The following ANKRD6 variants were observed in gnomAD, a reference collection of about 807,000 sequenced individuals.
The protein encoded by ANKRD6 is ankyrin repeat domain-containing protein 6.
Under a neutral mutation model 82.3 loss-of-function variants are expected in ANKRD6, and 56 were observed. That is an observed-to-expected ratio of 0.68 (90% CI 0.55 to 0.85). The LOEUF is 0.85. Ranked by LOEUF, ANKRD6 falls within the 40% of genes least tolerant of loss-of-function variation. The pLI is 0.00. For missense variants in ANKRD6, 852 were observed against 907.6 expected (o/e 0.94, Z 0.79); for synonymous variants, 347 against 352.1 (o/e 0.99, Z 0.16).
At chr6:89,448,788 T>A (rs188632293) in intron 1 of ANKRD6, among the ~76,000 whole-genome samples, 169 of 152,284 alleles carry the variant, frequency 1.1e-3, no homozygotes, top group African/African-American at 3.8e-3. Context: ...CCTAGCACTT[T>A]GGGAGGCCGA....
chr6:89,541,381 G>A (rs917086097), intron 1 of ANKRD6, among the ~76,000 whole-genome samples: 3 of 126,982 alleles, frequency 2.4e-5, no homozygotes, highest in East Asian at 2.1e-4. Flanking sequence ...TTAATTTTAC[G>A]TGTGGCTTTT....
chr6:89,443,216 C>A (rs191553034), intron 1 of ANKRD6, among the ~76,000 whole-genome samples: 50 of 152,304 alleles, frequency 3.3e-4, no homozygotes, highest in African/African-American at 9.9e-4. Context: ...TGAAGCACAT[C>A]TGCTTCCCCC....
chr6:89,528,893 C>T (rs1157939831), intron 1 of ANKRD6, among the ~76,000 whole-genome samples: 3 of 152,210 alleles, frequency 2.0e-5, no homozygotes, highest in Admixed American at 6.5e-5. Flanking sequence ...ATCTTGTTAT[C>T]TGAGCAGTAG....
chr6:89,575,014 G>A (rs774966658), intron 2 of ANKRD6, among the ~76,000 whole-genome samples: 39 of 152,180 alleles, frequency 2.6e-4, no homozygotes, highest in Non-Finnish European at 5.3e-4. Context: ...GTAGAAATAT[G>A]ATTGGACAGA....
intron 1 of ANKRD6, among the ~76,000 whole-genome samples, chr6:89,462,714 A>G (rs1774333139): frequency 6.6e-6 from 1 of 152,232 alleles, no homozygotes; most frequent in African/African-American, 2.4e-5. Context: ...GACAATAAAA[A>G]GATTATCTTT....
At chr6:89,466,426 T>G (rs1417612120) in intron 1 of ANKRD6, among the ~76,000 whole-genome samples, 2 of 152,250 alleles carry the variant, frequency 1.3e-5, no homozygotes, top group Non-Finnish European at 2.9e-5. Context: ...CTAGAAATTT[T>G]GCCAGCAATA....
At position 89,591,891 on chromosome 6, in the gene ANKRD6, C is replaced by G. The variant is rs370753507; in HGVS notation, c.121-4025C>G. ...CAAGAATGTGCAGGGAACACAGCCC[C>G]TCCTCAGAAAAGCTCCTGTACCATT... On this transcript the variant is annotated intron_variant, in intron 2 of 15. Coordinates refer to ENST00000339746, the MANE Select transcript of ANKRD6 (RefSeq NM_001242809.2). Among the ~76,000 whole-genome samples, 2 of 152,300 alleles carry G rather than the reference C, an allele frequency of 1.3e-5. 1 individual carries two copies. Among genetic ancestry groups the G allele is most frequent in the Middle Eastern group, 6.8e-3 (2 of 294 alleles).
At chr6:89,593,959 C>G (rs1448250312) in intron 2 of ANKRD6, among the ~76,000 whole-genome samples, 3 of 152,164 alleles carry the variant, frequency 2.0e-5, no homozygotes, top group Non-Finnish European at 4.4e-5. Flanking sequence ...TCTCTATGAC[C>G]CAGCAACAGG....
At chr6:89,584,729 A>G (rs1187289126) in intron 2 of ANKRD6, among the ~76,000 whole-genome samples, 1 of 152,256 alleles carries the variant, frequency 6.6e-6, no homozygotes, top group Non-Finnish European at 1.5e-5. Context: ...TACCATATCA[A>G]CAAGTGCCTT....
chr6:89,444,981 C>A lies in ANKRD6; in HGVS notation c.-144+11606C>A, dbSNP rs527631435. 1.6e-4 allele frequency among the ~76,000 whole-genome samples: 25 copies of A among 152,036 alleles called. No homozygotes were observed. In the South Asian group the frequency reaches 4.8e-3, roughly 29 times the overall value. ...GAAACTCCATGTCAAAAAAAAAAAT[C>A]TATGTAAGACTATCAAAGGATTCCT... On this transcript the variant is annotated intron_variant, in intron 1 of 15. Coordinates refer to ENST00000339746, the MANE Select transcript of ANKRD6 (RefSeq NM_001242809.2).
intron 4 of ANKRD6, among the ~76,000 whole-genome samples, chr6:89,604,246 T>G (rs1797968346): frequency 6.6e-6 from 1 of 152,096 alleles, no homozygotes; most frequent in Non-Finnish European, 1.5e-5. Flanking sequence ...GAGAATCGCT[T>G]GAACCCGGGA....
At chr6:89,570,971 G>C (rs899486597) in intron 2 of ANKRD6, among the ~76,000 whole-genome samples, 56 of 152,256 alleles carry the variant, frequency 3.7e-4, no homozygotes, top group African/African-American at 1.3e-3. Context: ...TTCCATGGCT[G>C]TTGCACCATT....
intron 4 of ANKRD6, 27 bp from the exon 5 acceptor site, chr6:89,605,980 C>G: frequency 6.6e-7 from 1 of 1,517,984 alleles, no homozygotes; most frequent in Non-Finnish European, 9.0e-7. Context: ...GGGTAATGTG[C>G]CTTTCCCACC....
At chr6:89,530,472 G>A (rs970382623) in intron 1 of ANKRD6, among the ~76,000 whole-genome samples, 6 of 152,124 alleles carry the variant, frequency 3.9e-5, no homozygotes, top group African/African-American at 1.4e-4. Flanking sequence ...TTAGGGAAGG[G>A]GGAGTAGTTC....
At chr6:89,594,270 T>G (rs902445266) in intron 2 of ANKRD6, among the ~76,000 whole-genome samples, 6 of 152,044 alleles carry the variant, frequency 3.9e-5, no homozygotes, top group African/African-American at 1.5e-4. Flanking sequence ...CTAAGCAACA[T>G]GGTGAAACCC....
In ANKRD6 at chr6:89,622,050, C is replaced by T. The variant is rs200175400; in HGVS notation, c.897+24C>T. On this transcript the variant is annotated intron_variant, in intron 10 of 15. Coordinates refer to ENST00000339746, the MANE Select transcript of ANKRD6 (RefSeq NM_001242809.2). ...AGGTGGGGGGCAGTCCTCCCGCCGT[C>T]CCCACATCCACCCATGCTCAGAGGG... The T allele has an allele frequency of 9.4e-6, 15 of 1,601,870 alleles. No homozygotes were observed. The African/African-American group carries it at 2.0e-4, about 21-fold the overall frequency.
chr6:89,471,577 G>T (rs980390599), intron 1 of ANKRD6, among the ~76,000 whole-genome samples: 3 of 151,224 alleles, frequency 2.0e-5, no homozygotes, highest in African/African-American at 7.3e-5. Context: ...AGAGTGGCCG[G>T]AAAGTTAGGA....
intron 1 of ANKRD6, among the ~76,000 whole-genome samples, chr6:89,566,258 C>G (rs1788495288): frequency 6.6e-6 from 1 of 152,240 alleles, no homozygotes; most frequent in African/African-American, 2.4e-5. Flanking sequence ...GTGCCCAGCT[C>G]TCCATCTGTT....
At chr6:89,461,842 C>T (rs1774185010) in intron 1 of ANKRD6, among the ~76,000 whole-genome samples, 1 of 152,100 alleles carries the variant, frequency 6.6e-6, no homozygotes, top group African/African-American at 2.4e-5. Flanking sequence ...AGTTGTCACA[C>T]TGAGTTTTGT....
Sources: allele counts gnomAD v4.1 joint callset (sites outside exome capture counted in the v4.1 genomes callset), GRCh38; gene constraint gnomAD v4.1.1; transcripts MANE v1.5; gene names NCBI Gene and HGNC (gene_info 2026-07-23, HGNC 2026-07-21).